Variants in ELMO1 observed in about 807,000 individuals in gnomAD.
ELMO1 encodes the protein engulfment and cell motility protein 1.
ELMO1 carries 26 observed loss-of-function variants against 98.9 expected under a neutral mutation model. That is an observed-to-expected ratio of 0.26 (90% CI 0.19 to 0.36). The LOEUF (loss-of-function observed/expected upper bound fraction) is 0.36, where lower values mean the gene tolerates loss of function less well. Among genes scored for constraint, ELMO1 ranks in the 10% least tolerant of loss-of-function variants. The probability of loss-of-function intolerance (pLI) is 1.00; values close to 1 mark genes in which losing one functional copy is unlikely to be tolerated. For synonymous variants in ELMO1, 346 were observed against 346.0 expected (o/e 1.00, Z 0.00); for missense variants, 627 against 935.2 (o/e 0.67, Z 4.30).
At chr7:37,039,991 A>T (rs1795408825) in intron 15 of ELMO1, among the ~76,000 whole-genome samples, 1 of 152,200 alleles carries the variant, frequency 6.6e-6, no homozygotes, top group Non-Finnish European at 1.5e-5. Context: ...AGTATATTAC[A>T]ATGTTGTCCA....
At chr7:36,996,846 T>A (rs1434237837) in intron 16 of ELMO1, among the ~76,000 whole-genome samples, 2 of 152,176 alleles carry the variant, frequency 1.3e-5, no homozygotes, top group African/African-American at 2.4e-5. Context: ...CAAGGCATGC[T>A]GGGCACTCAG....
intron 13 of ELMO1, among the ~76,000 whole-genome samples, chr7:37,204,855 G>A (rs754773740): frequency 4.0e-5 from 6 of 151,894 alleles, no homozygotes; most frequent in Non-Finnish European, 7.4e-5. Context: ...TGACTGGTGT[G>A]TTTACAAACC....
At chr7:36,950,234 T>C (rs1787859779) in intron 16 of ELMO1, among the ~76,000 whole-genome samples, 1 of 152,206 alleles carries the variant, frequency 6.6e-6, no homozygotes, top group African/African-American at 2.4e-5. Flanking sequence ...GGCATGCTCA[T>C]TATTAACATC....
At chr7:37,092,238 G>C (rs901715762) in intron 15 of ELMO1, among the ~76,000 whole-genome samples, 1 of 151,670 alleles carries the variant, frequency 6.6e-6, no homozygotes, top group Non-Finnish European at 1.5e-5. Flanking sequence ...AGAAGATAAA[G>C]AAACAAGGGA....
chr7:37,244,258 AGATG>A lies in ELMO1; in HGVS notation c.449+94_449+97del, dbSNP rs1382929255. The A allele has an allele frequency of 9.2e-6, 11 of 1,192,854 alleles. No homozygotes were observed. The Admixed American group carries it at 1.0e-4, about 11-fold the overall frequency. 73.9% of individuals were successfully genotyped at this position (1,192,854 alleles called of 1,614,324 possible). On this transcript the variant is annotated intron_variant, in intron 7 of 21. Coordinates refer to ENST00000310758, the MANE Select transcript of ELMO1 (RefSeq NM_014800.11). ...CAAAAAATCACTTATTCAAAATACT[AGATG>A]CATAGTTATACAATCAGTCAGATGA... is the stretch of plus-strand genomic sequence containing the variant.
intron 1 of ELMO1, among the ~76,000 whole-genome samples, chr7:37,379,101 G>A (rs748142274): frequency 7.9e-5 from 12 of 151,386 alleles, no homozygotes; most frequent in African/African-American, 2.4e-4. Flanking sequence ...GTGCAGTGGC[G>A]TGACCTCAGC....
intron 4 of ELMO1, among the ~76,000 whole-genome samples, chr7:37,274,138 T>TTGGC (rs1320162482): frequency 6.6e-6 from 1 of 152,138 alleles, no homozygotes; most frequent in Non-Finnish European, 1.5e-5. Context: ...TGAATGCCTC[T>TTGGC]TGGCAGGCAG....
intron 16 of ELMO1, among the ~76,000 whole-genome samples, chr7:36,937,715 G>A (rs1786668832): frequency 6.6e-6 from 1 of 152,200 alleles, no homozygotes; most frequent in Non-Finnish European, 1.5e-5. Context: ...ACTGCTAATA[G>A]TCTAAGATTT....
Position 37,033,534 on chromosome 7 carries a change from T to C in ELMO1, c.1301-20099A>G, listed in dbSNP as rs1006305555. ...CACCAAACAGACACTGGATTATAAC[T>C]TTCCAGCAAGCCAGCATTCCAATGT... is the stretch of plus-strand genomic sequence containing the variant. On this transcript the variant is annotated intron_variant, in intron 15 of 21. Coordinates refer to ENST00000310758, the MANE Select transcript of ELMO1 (RefSeq NM_014800.11). The C allele has an allele frequency of 1.6e-5, 6 of 381,978 alleles. No homozygotes were observed. The East Asian group carries it at 3.6e-4, about 23-fold the overall frequency. The allele number at this position is 381,978 out of a possible 1,614,324, so 23.7% of individuals were successfully genotyped here. A position where few individuals can be genotyped will look rare whatever the true frequency, so the allele number is the denominator to read the frequency against.
Position 37,070,471 on chromosome 7 carries a change from C to G in ELMO1, c.1300+26148G>C, listed in dbSNP as rs192665060. ...GTTCACTGAAAATATTGCACCCTTTCTTGATTTCCGTTGGAATTTGTGAAC... is the reference window on the plus strand; with the variant it reads ...GTTCACTGAAAATATTGCACCCTTTGTTGATTTCCGTTGGAATTTGTGAAC... On this transcript the variant is annotated intron_variant, in intron 15 of 21. Transcript: ENST00000310758. 2.3e-4 allele frequency among the ~76,000 whole-genome samples: 35 copies of G among 152,296 alleles called. No homozygotes were observed. In the East Asian group the frequency reaches 3.9e-3, roughly 17 times the overall value.
intron 6 of ELMO1, 65 bp downstream of exon 6, chr7:37,259,116 G>A: frequency 6.5e-7 from 1 of 1,530,148 alleles, no homozygotes; most frequent in Non-Finnish European, 8.8e-7. Context: ...TGTAAGGCAT[G>A]TAACAATATT....
In ELMO1 at chr7:37,323,282, T is replaced by C. The variant is rs141319880; in HGVS notation, c.79-7322A>G. ...GCTTTTCTTATTAAGGATGTATTCCTCTTTTTATCTTAACTCTTTTTCTCT... is the reference window on the plus strand; with the variant it reads ...GCTTTTCTTATTAAGGATGTATTCCCCTTTTTATCTTAACTCTTTTTCTCT... On this transcript the variant is annotated intron_variant, in intron 2 of 21. Transcript: ENST00000310758. Among the ~76,000 whole-genome samples, 226 of 152,386 alleles carry C rather than the reference T, an allele frequency of 1.5e-3. 2 individuals carry two copies. Among genetic ancestry groups the C allele is most frequent in the African/African-American group, 5.2e-3 (218 of 41,592 alleles).
intron 1 of ELMO1, among the ~76,000 whole-genome samples, chr7:37,403,693 C>T (rs1028856723): frequency 6.6e-5 from 10 of 152,076 alleles, no homozygotes; most frequent in Admixed American, 6.6e-5. Flanking sequence ...TACAGGCACA[C>T]ATCACCACAC....
chr7:37,082,487 C>T (rs948238507), intron 15 of ELMO1, among the ~76,000 whole-genome samples: 1 of 152,052 alleles, frequency 6.6e-6, no homozygotes, highest in Non-Finnish European at 1.5e-5. Flanking sequence ...TCAGCTTGCT[C>T]GAGTCCAGGA....
chr7:37,391,964 A>G (rs984543486), intron 1 of ELMO1, among the ~76,000 whole-genome samples: 6 of 152,340 alleles, frequency 3.9e-5, no homozygotes, highest in Admixed American at 3.9e-4. Context: ...ATCTCCACAC[A>G]CATGCAATGG....
At chr7:37,080,662 A>C (rs993000542) in intron 15 of ELMO1, among the ~76,000 whole-genome samples, 4 of 132,626 alleles carry the variant, frequency 3.0e-5, no homozygotes, top group Non-Finnish European at 6.1e-5. Flanking sequence ...TATGTTGGCC[A>C]GGCTGGTCTT....
intron 16 of ELMO1, among the ~76,000 whole-genome samples, chr7:37,004,411 G>A (rs901721769): frequency 6.6e-6 from 1 of 152,162 alleles, no homozygotes; most frequent in African/African-American, 2.4e-5. Flanking sequence ...TTAACCTAAA[G>A]TCATCATTAT....
intron 4 of ELMO1, among the ~76,000 whole-genome samples, chr7:37,304,037 T>C (rs763767091): frequency 2.0e-5 from 3 of 151,090 alleles, no homozygotes; most frequent in Non-Finnish European, 4.4e-5. Flanking sequence ...ACTTAGGCTG[T>C]TTTTTTTTCT....
At chr7:37,006,097 C>T (rs377160980) in intron 16 of ELMO1, among the ~76,000 whole-genome samples, 13 of 152,350 alleles carry the variant, frequency 8.5e-5, no homozygotes, top group East Asian at 3.9e-4. Context: ...ACCTGCAGTA[C>T]ATCTGTTTGT....
Sources: gnomAD v4.1 joint callset for allele counts (sites outside exome capture counted in the v4.1 genomes callset) on GRCh38, gnomAD v4.1.1 for gene constraint, MANE v1.5 for transcripts, NCBI Gene and HGNC (gene_info 2026-07-23, HGNC 2026-07-21) for gene names.